The following HTR1F variants were observed in gnomAD, a reference collection of about 807,000 sequenced individuals.
The protein encoded by HTR1F is 5-hydroxytryptamine (serotonin) receptor 1F, G protein-coupled.
A neutral mutation model predicts 24.0 loss-of-function variants in HTR1F; 17 were observed. That is an observed-to-expected ratio of 0.71 (90% CI 0.48 to 1.06). The LOEUF (loss-of-function observed/expected upper bound fraction) is 1.06. Ranked by LOEUF, HTR1F falls within the 50% of genes least tolerant of loss-of-function variation. HTR1F has a pLI of 0.00. For synonymous variants in HTR1F, 186 were observed against 156.8 expected (o/e 1.19, Z -1.39); for missense variants, 391 against 427.8 (o/e 0.91, Z 0.76).
intron 2 of HTR1F, among the ~76,000 whole-genome samples, chr3:87,973,062 T>C (rs1405338251): frequency 6.6e-6 from 1 of 151,570 alleles, no homozygotes; most frequent in East Asian, 1.9e-4. Flanking sequence ...TCCCAGCTAC[T>C]CGGGAAACTG....
chr3:87,986,661 A>T (rs1705667886), intron 2 of HTR1F, among the ~76,000 whole-genome samples: 1 of 152,208 alleles, frequency 6.6e-6, no homozygotes, highest in Non-Finnish European at 1.5e-5. Context: ...TCTCCTGTTT[A>T]AAATTGTATT....
intron 2 of HTR1F, among the ~76,000 whole-genome samples, chr3:87,918,506 G>T (rs916830273): frequency 2.6e-5 from 4 of 152,018 alleles, no homozygotes; most frequent in Non-Finnish European, 5.9e-5. Flanking sequence ...TCCTAGAACT[G>T]ATAAAAGAAT....
rs111941419 is a variant in HTR1F, at chr3:87,958,293, G to GT, written c.-42-32409dup. ...TTATATCCTTACTGTTTGGGTGGTT[G>GT]TTTTTTGTTTTTGTTTTTGTTTTGT... On this transcript the variant is annotated intron_variant, in intron 2 of 2. Coordinates refer to ENST00000319595, the MANE Select transcript of HTR1F (RefSeq NM_001322209.2). 7.6e-3 allele frequency among the ~76,000 whole-genome samples: 1,147 copies of GT among 151,500 alleles called. 15 individuals are homozygous for GT. Among genetic ancestry groups the GT allele is most frequent in the African/African-American group, 0.026 (1,078 of 41,432 alleles).
At chr3:87,913,817 A>G (rs1360385442) in intron 2 of HTR1F, among the ~76,000 whole-genome samples, 1 of 152,196 alleles carries the variant, frequency 6.6e-6, no homozygotes, top group Non-Finnish European at 1.5e-5. Context: ...CATTATTAGG[A>G]AACTAACACA....
chr3:87,939,867 G>T (rs76567542), intron 2 of HTR1F, among the ~76,000 whole-genome samples: 1 of 151,970 alleles, frequency 6.6e-6, no homozygotes, highest in East Asian at 1.9e-4. Context: ...ATCTCCTTCA[G>T]TTCTTCTCTG....
intron 2 of HTR1F, among the ~76,000 whole-genome samples, chr3:87,982,660 C>A (rs1490873374): frequency 6.6e-6 from 1 of 152,134 alleles, no homozygotes; most frequent in African/African-American, 2.4e-5. Context: ...ATTAGAGAAC[C>A]AAATCAGAAG....
At chr3:87,935,414 T>TC (rs964445924) in intron 2 of HTR1F, among the ~76,000 whole-genome samples, 1 of 151,896 alleles carries the variant, frequency 6.6e-6, no homozygotes, top group East Asian at 1.9e-4. Context: ...AACTTTTTTT[T>TC]CCCCAGTTTT....
intron 2 of HTR1F, among the ~76,000 whole-genome samples, chr3:87,912,743 A>G (rs1037431707): frequency 6.6e-6 from 1 of 152,044 alleles, no homozygotes; most frequent in Non-Finnish European, 1.5e-5. Flanking sequence ...ACACAGACAC[A>G]TAGACCAATG....
At chr3:87,940,348 C>T (rs931358918) in intron 2 of HTR1F, among the ~76,000 whole-genome samples, 4 of 152,152 alleles carry the variant, frequency 2.6e-5, no homozygotes, top group African/African-American at 9.7e-5. Flanking sequence ...CATTCCTATA[C>T]ACAAATAATA....
At chr3:87,837,712 A>C (rs1249749534) in intron 2 of HTR1F, among the ~76,000 whole-genome samples, 1 of 152,074 alleles carries the variant, frequency 6.6e-6, no homozygotes, top group Non-Finnish European at 1.5e-5. Context: ...ATAATGTGTG[A>C]CAATTTTCTA....
At chr3:87,956,343 A>G (rs1704942430) in intron 2 of HTR1F, among the ~76,000 whole-genome samples, 1 of 151,390 alleles carries the variant, frequency 6.6e-6, no homozygotes, top group Non-Finnish European at 1.5e-5. Context: ...TTGTGAGTCT[A>G]TTTGAGGACT....
At chr3:87,977,791 T>C (rs1576113164) in intron 2 of HTR1F, among the ~76,000 whole-genome samples, 1 of 152,054 alleles carries the variant, frequency 6.6e-6, no homozygotes, top group East Asian at 1.9e-4. Flanking sequence ...GGAGTCACTT[T>C]AAATGAATTT....
intron 1 of HTR1F, among the ~76,000 whole-genome samples, chr3:87,797,311 T>C (rs1703921176): frequency 1.3e-5 from 2 of 152,226 alleles, no homozygotes; most frequent in South Asian, 4.1e-4. Context: ...TAGGAACTAC[T>C]GTATGTACAT....
intron 2 of HTR1F, among the ~76,000 whole-genome samples, chr3:87,897,585 T>C (rs184494894): frequency 2.6e-4 from 39 of 152,198 alleles, no homozygotes; most frequent in African/African-American, 9.1e-4. Flanking sequence ...TATGAAGATT[T>C]TACATTAACT....
chr3:87,856,318 C>G (rs1017086047), intron 2 of HTR1F, among the ~76,000 whole-genome samples: 2 of 151,904 alleles, frequency 1.3e-5, no homozygotes, highest in African/African-American at 4.8e-5. Flanking sequence ...ATGACAGAAT[C>G]CTTATTGTGT....
chr3:87,963,159 C>T (rs1705097408), intron 2 of HTR1F, among the ~76,000 whole-genome samples: 1 of 152,038 alleles, frequency 6.6e-6, no homozygotes, highest in Non-Finnish European at 1.5e-5. Context: ...AATAAATCTA[C>T]CGAATGTCAG....
chr3:87,794,231 G>T (rs1013962594), intron 1 of HTR1F, among the ~76,000 whole-genome samples: 2 of 152,160 alleles, frequency 1.3e-5, no homozygotes, highest in African/African-American at 4.8e-5. Context: ...CTCTGGGCTT[G>T]CAGTCTCTTC....
intron 2 of HTR1F, among the ~76,000 whole-genome samples, chr3:87,967,314 G>T (rs886377771): frequency 1.3e-5 from 2 of 152,086 alleles, no homozygotes; most frequent in Non-Finnish European, 2.9e-5. Context: ...GCCGGGCATG[G>T]TGGCACACTC....
In HTR1F at chr3:87,923,085, T is replaced by A. The variant is rs535372765; in HGVS notation, c.-42-67623T>A. Among the ~76,000 whole-genome samples the A allele has an allele frequency of 2.3e-4, 35 of 152,092 alleles. No homozygotes were observed. The South Asian group carries it at 7.3e-3, about 32-fold the overall frequency. ...AGTCTGTTGGCTGTAAATCTGTGGATTTATTTCTGTGTTCCCTATTCTGTT... is the reference window on the plus strand; with the variant it reads ...AGTCTGTTGGCTGTAAATCTGTGGAATTATTTCTGTGTTCCCTATTCTGTT... On this transcript the variant is annotated intron_variant, in intron 2 of 2. Coordinates refer to ENST00000319595, the MANE Select transcript of HTR1F (RefSeq NM_001322209.2).
Sources: gnomAD v4.1 joint callset for allele counts (sites outside exome capture counted in the v4.1 genomes callset) on GRCh38, gnomAD v4.1.1 for gene constraint, MANE v1.5 for transcripts, NCBI Gene and HGNC (gene_info 2026-07-23, HGNC 2026-07-21) for gene names.